The following PCDHA12 variants were observed in gnomAD, a reference collection of about 807,000 sequenced individuals.
PCDHA12 encodes protocadherin alpha 12.
A neutral mutation model predicts 60.0 loss-of-function variants in PCDHA12; 44 were observed. That is an observed-to-expected ratio of 0.73 (90% CI 0.58 to 0.94). The LOEUF (loss-of-function observed/expected upper bound fraction) is 0.94, where lower values mean the gene tolerates loss of function less well. Among genes scored for constraint, PCDHA12 ranks in the 40% least tolerant of loss-of-function variants. The pLI is 0.00. For missense variants in PCDHA12, 1,276 were observed against 1,239.7 expected, an observed-to-expected ratio of 1.03 and a Z score of -0.44; for synonymous variants, 569 against 553.0, an observed-to-expected ratio of 1.03 and a Z score of -0.40.
At chr5:140,967,970 C>T (rs2096204544) in intron 1 of PCDHA12, 2 of 1,614,202 alleles carry the variant, frequency 1.2e-6, no homozygotes, top group South Asian at 2.2e-5. Context: ...GAAAGTGAGC[C>T]TGGGTCTGGA....
At position 140,971,724 on chromosome 5, in the gene PCDHA12, C is replaced by T. The variant is rs1489489083; in HGVS notation, c.2368-7225C>T. On this transcript the variant is annotated intron_variant, in intron 1 of 3. Coordinates refer to ENST00000398631, the MANE Select transcript of PCDHA12 (RefSeq NM_018903.4). ...CCCTGCTATATAGATATATGTATAT[C>T]ATACATATACACATACATATATCTC... 2.0e-5 allele frequency among the ~76,000 whole-genome samples: 3 copies of T among 151,776 alleles called. No homozygotes were observed. The East Asian group carries it at 5.8e-4, about 29-fold the overall frequency.
chr5:140,912,164 CT>C (rs1281307479), intron 1 of PCDHA12, among the ~76,000 whole-genome samples: 1 of 152,158 alleles, frequency 6.6e-6, no homozygotes, highest in Non-Finnish European at 1.5e-5. Flanking sequence ...TTTATTCTGG[CT>C]GTGCTGGCAG....
intron 1 of PCDHA12, chr5:140,884,466 C>G (rs1212644572): frequency 2.5e-6 from 4 of 1,613,646 alleles, no homozygotes; most frequent in Non-Finnish European, 3.4e-6. Flanking sequence ...GGCGCGTGCG[C>G]GCCGGGCAAG....
chr5:141,009,601 A>T (rs1223112014), intron 3 of PCDHA12, 26 bp from the exon 4 acceptor site: 6 of 1,607,482 alleles, frequency 3.7e-6, no homozygotes, highest in Non-Finnish European at 5.1e-6. Flanking sequence ...GACCCTGTTA[A>T]TGATTTGTAA....
At chr5:140,926,494 C>T (rs565938693) in intron 1 of PCDHA12, 46 of 181,758 alleles carry the variant, frequency 2.5e-4, no homozygotes, top group African/African-American at 1.0e-3. Flanking sequence ...GTGTTAGTGT[C>T]TCGGGGCGTC....
chr5:140,945,636 G>A (rs2093820936), intron 1 of PCDHA12, among the ~76,000 whole-genome samples: 1 of 152,092 alleles, frequency 6.6e-6, no homozygotes, highest in Admixed American at 6.6e-5. Context: ...TAAAAGACAT[G>A]TAGACCAATG....
intron 1 of PCDHA12, among the ~76,000 whole-genome samples, chr5:140,962,883 T>C (rs570394633): frequency 5.6e-4 from 86 of 152,222 alleles, no homozygotes; most frequent in Non-Finnish European, 1.0e-3. Flanking sequence ...ATACATGAAT[T>C]AAAAAATGAA....
intron 1 of PCDHA12, chr5:140,883,896 C>G (rs199847007): frequency 6.2e-7 from 1 of 1,613,386 alleles, no homozygotes; most frequent in African/African-American, 1.3e-5. Context: ...TCTGGCGTGC[C>G]GCCTCTGGGC....
At chr5:140,978,795 G>T in intron 1 of PCDHA12, 154 bp from the exon 2 acceptor site, 1 of 979,238 alleles carries the variant, frequency 1.0e-6, no homozygotes, top group Non-Finnish European at 1.2e-6. Flanking sequence ...TGCTATATAT[G>T]TAGATATCAT....
chr5:140,922,131 TTATCC>T (rs2080656521), intron 1 of PCDHA12, among the ~76,000 whole-genome samples: 1 of 152,176 alleles, frequency 6.6e-6, no homozygotes, highest in South Asian at 2.1e-4. Context: ...TAAATGTCTC[TTATCC>T]TCCATGAAAC....
intron 1 of PCDHA12, among the ~76,000 whole-genome samples, chr5:140,912,613 T>A (rs183484256): frequency 5.3e-4 from 80 of 152,290 alleles, no homozygotes; most frequent in African/African-American, 1.5e-3. Flanking sequence ...TCTTGTCTGA[T>A]TACTCTGGAT....
At position 140,875,915 on chromosome 5, in the gene PCDHA12, TG is replaced by T; in HGVS notation, c.445del (p.Asp149ThrfsTer6). On this transcript the variant is annotated frameshift_variant, in exon 1 of 4. Coordinates refer to ENST00000398631, the MANE Select transcript of PCDHA12 (RefSeq NM_018903.4). LOFTEE classifies it high-confidence loss of function. ...QKVPVSESAP[L>X]DSHFPLEGAS... is the part of the protein sequence containing the mutation. ...GTACCTGTTTCTGAATCTGCGCCTC[TG>T]GACTCTCATTTTCCTCTAGAGGGCG... 1 of 1,614,214 alleles carries T rather than the reference TG, an allele frequency of 6.2e-7. No individual in the cohort carries two copies. Among genetic ancestry groups the T allele is most frequent in the Non-Finnish European group, 8.5e-7 (1 of 1,180,014 alleles).
intron 1 of PCDHA12, among the ~76,000 whole-genome samples, chr5:140,919,944 A>T (rs1554199311): frequency 6.6e-6 from 1 of 151,622 alleles, no homozygotes; most frequent in Non-Finnish European, 1.5e-5. Flanking sequence ...AATTCCAGTG[A>T]AAAGTTTGTT....
intron 1 of PCDHA12, among the ~76,000 whole-genome samples, chr5:140,964,886 T>C (rs529789945): frequency 6.6e-6 from 1 of 152,306 alleles, no homozygotes; most frequent in South Asian, 2.1e-4. Context: ...GCAGCAGTGA[T>C]AGGAGGCTGG....
intron 1 of PCDHA12, among the ~76,000 whole-genome samples, chr5:140,910,994 CT>C (rs1312142604): frequency 2.0e-5 from 3 of 152,222 alleles, no homozygotes; most frequent in African/African-American, 7.2e-5. Flanking sequence ...AACCTCACCC[CT>C]AGGGCCCTCC....
chr5:141,004,142 G>A (rs1323224367), intron 3 of PCDHA12, among the ~76,000 whole-genome samples: 2 of 152,214 alleles, frequency 1.3e-5, no homozygotes, highest in African/African-American at 4.8e-5. Flanking sequence ...TGCCCCAAAG[G>A]CATGACATTT....
chr5:141,005,287 A>AT (rs1405339052), intron 3 of PCDHA12, among the ~76,000 whole-genome samples: 5 of 152,162 alleles, frequency 3.3e-5, no homozygotes, highest in Admixed American at 1.3e-4. Context: ...AAACAGATAC[A>AT]TTTTTTGCCT....
rs1419215366 is a variant in PCDHA12, at chr5:141,010,888, T to G, written c.*951T>G. 2 of 153,748 alleles carry G rather than the reference T, an allele frequency of 1.3e-5. No homozygotes were observed. The highest frequency in any genetic ancestry group is 2.9e-5 in the Non-Finnish European group (2 of 68,032). The allele number at this position is 153,748 out of a possible 1,614,324, so 9.5% of individuals were successfully genotyped here. On this transcript the variant is annotated 3_prime_UTR_variant, in exon 4 of 4. Coordinates refer to ENST00000398631, the MANE Select transcript of PCDHA12 (RefSeq NM_018903.4). Reference sequence around the variant, plus strand: ...AGCTATAAATCTTTAAAGAGAAATATGAATACAATTCCCCTAAACTCTCCT... The same window carrying G: ...AGCTATAAATCTTTAAAGAGAAATAGGAATACAATTCCCCTAAACTCTCCT...
chr5:140,968,195 T>C, intron 1 of PCDHA12: 1 of 1,614,076 alleles, frequency 6.2e-7, no homozygotes, highest in East Asian at 2.2e-5. Context: ...CTATTCCATC[T>C]ACATACAGGA....
Sources: gnomAD v4.1 joint callset for allele counts (sites outside exome capture counted in the v4.1 genomes callset) on GRCh38, gnomAD v4.1.1 for gene constraint, MANE v1.5 for transcripts, NCBI Gene and HGNC (gene_info 2026-07-23, HGNC 2026-07-21) for gene names.